The following WWOX variants were observed in gnomAD, a reference collection of about 807,000 sequenced individuals.
WWOX encodes the protein WW domain-containing oxidoreductase.
Under a neutral mutation model 46.2 loss-of-function variants are expected in WWOX, and 69 were observed. The ratio of observed to expected loss-of-function variants is 1.49; its 90% CI spans 1.23 to 1.82. The LOEUF (loss-of-function observed/expected upper bound fraction) is 1.82, where lower values mean the gene tolerates loss of function less well. Among genes scored for constraint, WWOX ranks in the 40% most tolerant of loss-of-function variants. The pLI is 0.00. For synonymous variants in WWOX, 359 were observed against 202.6 expected (o/e 1.77, Z -6.56); for missense variants, 919 against 542.6 (o/e 1.69, Z -6.89).
At chr16:78,879,330 T>C (rs373873769) in intron 8 of WWOX, among the ~76,000 whole-genome samples, 2 of 152,188 alleles carry the variant, frequency 1.3e-5, no homozygotes, top group East Asian at 3.9e-4. Context: ...GACCCTCTGA[T>C]GTTGACAACA....
At position 78,820,868 on chromosome 16, in the gene WWOX, G is replaced by C. The variant is rs148013201; in HGVS notation, c.1056+388116G>C. ...TTTCTGGTGACTGCTGGCAATTCTT[G>C]ATGTCCCTTGGCTTGGAAACACCAC... On this transcript the variant is annotated intron_variant, in intron 8 of 8. Coordinates refer to ENST00000566780, the MANE Select transcript of WWOX (RefSeq NM_016373.4). Among the ~76,000 whole-genome samples the C allele has an allele frequency of 1.1e-4, 17 of 152,170 alleles. No individual in the cohort carries two copies. The East Asian group carries it at 2.3e-3, about 21-fold the overall frequency.
rs186650177 is a variant in WWOX at position 78,696,688 on chromosome 16, G to C, written c.1056+263936G>C. 3.0e-3 allele frequency among the ~76,000 whole-genome samples: 459 copies of C among 152,080 alleles called. 3 individuals carry two copies. The highest frequency in any genetic ancestry group is 0.011 in the African/African-American group (440 of 41,460). On this transcript the variant is annotated intron_variant, in intron 8 of 8. Transcript: ENST00000566780. ...TTTTTTAAATTTCCACCTGTTTTGG[G>C]GGGGGTACAGGTGGTATTTGGTTAC... is the stretch of plus-strand genomic sequence containing the variant.
At chr16:78,642,635 A>G (rs2046747791) in intron 8 of WWOX, among the ~76,000 whole-genome samples, 1 of 151,980 alleles carries the variant, frequency 6.6e-6, no homozygotes, top group Non-Finnish European at 1.5e-5. Context: ...CAGCTGAGAT[A>G]TGGATGAAGA....
intron 8 of WWOX, among the ~76,000 whole-genome samples, chr16:78,867,625 C>T (rs755912467): frequency 3.9e-5 from 6 of 151,908 alleles, no homozygotes; most frequent in Non-Finnish European, 7.4e-5. Flanking sequence ...ACTGCAACTA[C>T]AACATCCCAG....
intron 4 of WWOX, among the ~76,000 whole-genome samples, chr16:78,151,993 G>C (rs942927680): frequency 1.3e-5 from 2 of 152,044 alleles, no homozygotes; most frequent in Non-Finnish European, 2.9e-5. Flanking sequence ...GATGGAGACC[G>C]TCCTGGCTAA....
chr16:79,122,666 G>C (rs566182541), intron 8 of WWOX, among the ~76,000 whole-genome samples: 89 of 150,628 alleles, frequency 5.9e-4, no homozygotes, highest in Non-Finnish European at 1.0e-3. Context: ...TCCTTAATTT[G>C]TTTTTGGGTC....
chr16:78,366,051 C>T (rs773328460), intron 5 of WWOX, among the ~76,000 whole-genome samples: 19 of 152,156 alleles, frequency 1.2e-4, no homozygotes, highest in African/African-American at 3.9e-4. Context: ...ATACATCTTT[C>T]GGCCCATTGG....
intron 8 of WWOX, chr16:79,017,527 G>C (rs2151381860): frequency 6.7e-6 from 1 of 148,798 alleles, no homozygotes; most frequent in South Asian, 2.1e-4. Flanking sequence ...AAGGACCAGA[G>C]AGTATATATT....
intron 8 of WWOX, among the ~76,000 whole-genome samples, chr16:79,191,217 C>T (rs1008680044): frequency 1.3e-5 from 2 of 151,724 alleles, no homozygotes; most frequent in Non-Finnish European, 2.9e-5. Context: ...CCACACCTGG[C>T]TAATTTTTTT....
intron 8 of WWOX, among the ~76,000 whole-genome samples, chr16:78,931,715 C>T (rs1037448686): frequency 7.2e-5 from 11 of 152,216 alleles, no homozygotes; most frequent in Non-Finnish European, 1.2e-4. Context: ...TCCAACTGTT[C>T]ACAGAGGACA....
chr16:78,473,170 C>T (rs1297844109), intron 8 of WWOX, among the ~76,000 whole-genome samples: 1 of 152,178 alleles, frequency 6.6e-6, no homozygotes, highest in Non-Finnish European at 1.5e-5. Flanking sequence ...CACTCTGTCA[C>T]CCAGGCTAGA....
chr16:79,192,558 GA>G (rs1459912799), intron 8 of WWOX, among the ~76,000 whole-genome samples: 18 of 152,216 alleles, frequency 1.2e-4, no homozygotes, highest in Non-Finnish European at 1.9e-4. Flanking sequence ...ATTGGTCAAG[GA>G]AAGGTTTAGC....
At chr16:78,413,019 G>GT (rs1238243609) in intron 6 of WWOX, among the ~76,000 whole-genome samples, 1 of 152,196 alleles carries the variant, frequency 6.6e-6, no homozygotes, top group East Asian at 1.9e-4. Context: ...GAGCTGACGC[G>GT]TAGCAAGAAT....
At chr16:78,782,666 C>CTTTTTTTTTTTTTTTTTTTT (rs59862391) in intron 8 of WWOX, among the ~76,000 whole-genome samples, 1 of 131,852 alleles carries the variant, frequency 7.6e-6, no homozygotes, top group Non-Finnish European at 1.6e-5. Flanking sequence ...TTTTCTATAT[C>CTTTTTTTTTTTTTTTTTTTT]TTTTTTTTTT....
chr16:78,362,449 A>G (rs2081431077), intron 5 of WWOX, among the ~76,000 whole-genome samples: 1 of 152,136 alleles, frequency 6.6e-6, no homozygotes, highest in Admixed American at 6.5e-5. Context: ...ATCCCTATTA[A>G]AAATACAAAA....
chr16:78,128,741 A>G (rs564001832), intron 4 of WWOX, among the ~76,000 whole-genome samples: 2 of 152,244 alleles, frequency 1.3e-5, no homozygotes, highest in African/African-American at 2.4e-5. Flanking sequence ...ACCATTGGCT[A>G]TAAGGATGAA....
chr16:78,956,926 T>C (rs907222804), intron 8 of WWOX, among the ~76,000 whole-genome samples: 1 of 152,190 alleles, frequency 6.6e-6, no homozygotes, highest in African/African-American at 2.4e-5. Flanking sequence ...GAAAGTTTGC[T>C]ACTGTCACTT....
chr16:78,473,802 A>G (rs554247760), intron 8 of WWOX, among the ~76,000 whole-genome samples: 8 of 152,252 alleles, frequency 5.3e-5, no homozygotes, highest in African/African-American at 1.9e-4. Context: ...CTGAATGCCA[A>G]CAAGAGTCAC....
intron 8 of WWOX, among the ~76,000 whole-genome samples, chr16:78,500,572 C>G (rs998762598): frequency 6.6e-6 from 1 of 152,064 alleles, no homozygotes; most frequent in Non-Finnish European, 1.5e-5. Context: ...CTGGCTGAGG[C>G]TCCAACAGCA....
Sources: allele counts gnomAD v4.1 joint callset (sites outside exome capture counted in the v4.1 genomes callset), GRCh38; gene constraint gnomAD v4.1.1; transcripts MANE v1.5; gene names NCBI Gene and HGNC (gene_info 2026-07-23, HGNC 2026-07-21).